Variants in AKT2 observed in about 807,000 individuals in gnomAD.
The protein encoded by AKT2 is AKT serine/threonine kinase 2, also known as RAC-beta serine/threonine-protein kinase.
In AKT2, 16 loss-of-function variants were observed where a neutral mutation model predicts 58.6. The observed-to-expected ratio is 0.27, with a 90% CI of 0.18 to 0.41. The LOEUF (loss-of-function observed/expected upper bound fraction) is 0.41. Among genes scored for constraint, AKT2 ranks in the 10% least tolerant of loss-of-function variants. AKT2 has a pLI of 1.00. For synonymous variants in AKT2, 253 were observed against 254.0 expected (o/e 1.00, Z 0.04); for missense variants, 438 against 661.0 (o/e 0.66, Z 3.70).
intron 4 of AKT2, among the ~76,000 whole-genome samples, chr19:40,254,792 T>A (rs578137611): frequency 1.3e-5 from 2 of 151,856 alleles, no homozygotes; most frequent in African/African-American, 4.8e-5. Flanking sequence ...GCCAAGATCA[T>A]GCCACTGCAT....
chr19:40,283,844 G>A (rs2145444401), intron 1 of AKT2, among the ~76,000 whole-genome samples: 1 of 152,308 alleles, frequency 6.6e-6, no homozygotes, highest in Middle Eastern at 3.4e-3. Context: ...AGGAACAGCT[G>A]GGAAAACAGC....
chr19:40,279,430 C>A (rs1568576176), intron 1 of AKT2: 1 of 152,410 alleles, frequency 6.6e-6, no homozygotes, highest in Non-Finnish European at 1.5e-5. Context: ...AACCACCCCA[C>A]CGTGCGGCCC....
At position 40,237,736 on chromosome 19, in the gene AKT2, TG is replaced by T; in HGVS notation, c.831+232del. 8.8e-6 allele frequency: 5 copies of T among 565,988 alleles called. No individual in the cohort carries two copies. The Middle Eastern group carries it at 2.5e-3, about 286-fold the overall frequency. 35.1% of individuals were successfully genotyped at this position (565,988 alleles called of 1,614,324 possible). On this transcript the variant is annotated intron_variant, in intron 9 of 13. Coordinates refer to ENST00000392038, the MANE Select transcript of AKT2 (RefSeq NM_001626.6). The surrounding 1 kb of genome is among the most constrained non-coding windows in gnomAD (Gnocchi z 4.5). ...TGGGAGGCTTGGGAAGGTCCCTACTTGGGGCAACTTGCCACAGAGCCACCAC... is the reference window on the plus strand; with the variant it reads ...TGGGAGGCTTGGGAAGGTCCCTACTTGGGCAACTTGCCACAGAGCCACCAC...
chr19:40,281,809 G>A (rs538963774), intron 1 of AKT2, among the ~76,000 whole-genome samples: 59 of 152,334 alleles, frequency 3.9e-4, no homozygotes, highest in African/African-American at 1.3e-3. Context: ...ACCATGTGTC[G>A]GGCACTGTTC....
At chr19:40,254,551 G>T (rs539936958) in intron 4 of AKT2, among the ~76,000 whole-genome samples, 96 of 151,936 alleles carry the variant, frequency 6.3e-4, no homozygotes, top group African/African-American at 2.3e-3. Context: ...AAGGGGGTCA[G>T]GTGTGGTGGC....
Position 40,242,163 on chromosome 19 carries a change from CTG to C in AKT2, c.442-96_442-95del. Reference sequence around the variant, plus strand: ...AAAGAAAGAGGAAAACCAAAAGACACTGTTGCCAAACGGCTTAGGCTGGAGCA... The same window carrying C: ...AAAGAAAGAGGAAAACCAAAAGACACTTGCCAAACGGCTTAGGCTGGAGCA... On this transcript the variant is annotated intron_variant, in intron 5 of 13. Coordinates refer to ENST00000392038, the MANE Select transcript of AKT2 (RefSeq NM_001626.6). This position sits in a 1 kb window ranked among gnomAD's most constrained non-coding sequence, Gnocchi z 4.3. 1 of 1,564,090 alleles carries C rather than the reference CTG, an allele frequency of 6.4e-7. No individual in the cohort carries two copies. Among genetic ancestry groups the C allele is most frequent in the Non-Finnish European group, 8.7e-7 (1 of 1,145,338 alleles).
At chr19:40,259,607 G>A (rs1487279683) in intron 2 of AKT2, among the ~76,000 whole-genome samples, 1 of 152,156 alleles carries the variant, frequency 6.6e-6, no homozygotes, top group African/African-American at 2.4e-5. Flanking sequence ...AAAAACCTTT[G>A]TGCATGAAAG....
intron 1 of AKT2, 150 bp from the exon 2 acceptor site, chr19:40,265,501 G>A (rs1374479223): frequency 3.8e-6 from 4 of 1,043,300 alleles, no homozygotes; most frequent in Non-Finnish European, 2.7e-6. Context: ...CGCTCTCAAG[G>A]ACCCATTCTG....
At chr19:40,263,498 C>A (rs1976111776) in intron 2 of AKT2, among the ~76,000 whole-genome samples, 5 of 152,210 alleles carry the variant, frequency 3.3e-5, no homozygotes, top group Admixed American at 3.3e-4. Flanking sequence ...ACATGGCTTG[C>A]TCACAGTTGC....
chr19:40,230,394 G>C lies in AKT2; in HGVS notation c.*3478C>G, dbSNP rs1369685956. 2 of 221,940 alleles carry C rather than the reference G, an allele frequency of 9.0e-6. No individual in the cohort carries two copies. The highest frequency in any genetic ancestry group is 4.5e-5 in the African/African-American group (2 of 44,674). The allele number at this position is 221,940 out of a possible 1,614,324, so 13.7% of individuals were successfully genotyped here. A position where few individuals can be genotyped will look rare whatever the true frequency, so the allele number is the denominator to read the frequency against. On this transcript the variant is annotated 3_prime_UTR_variant, in exon 14 of 14. Coordinates refer to ENST00000392038, the MANE Select transcript of AKT2 (RefSeq NM_001626.6). ...CAAGTCAATTCCTGTTAACGGGGCA[G>C]CTGAAGCGGTTGAGGGGTCTACCCC... is the stretch of plus-strand genomic sequence containing the variant.
Position 40,242,263 on chromosome 19 carries a change from T to C in AKT2, c.442-194A>G. 1.1e-6 allele frequency: 1 copy of C among 915,140 alleles called. No individual in the cohort carries two copies. Among genetic ancestry groups the C allele is most frequent in the Non-Finnish European group, 1.7e-6 (1 of 595,790 alleles). 56.7% of individuals were successfully genotyped at this position (915,140 alleles called of 1,614,324 possible). On this transcript the variant is annotated intron_variant, in intron 5 of 13. Coordinates refer to ENST00000392038, the MANE Select transcript of AKT2 (RefSeq NM_001626.6). The surrounding 1 kb of genome is among the most constrained non-coding windows in gnomAD (Gnocchi z 4.3). Reference sequence around the variant, plus strand: ...GACCAGGCTCTGCAGGCACAGGGCCTTGGGAGGGCTGGGCTCTGACGTGGG... The same window carrying C: ...GACCAGGCTCTGCAGGCACAGGGCCCTGGGAGGGCTGGGCTCTGACGTGGG...
chr19:40,231,480 ACT>A lies in AKT2; in HGVS notation c.*2390_*2391del, dbSNP rs546962324. ...ACCAAACGAGTCCTAGCTGTAGCTA[ACT>A]CTGATTTCTGTAAATTGGATCTGAC... On this transcript the variant is annotated 3_prime_UTR_variant, in exon 14 of 14. Coordinates refer to ENST00000392038, the MANE Select transcript of AKT2 (RefSeq NM_001626.6). 6.4e-4 allele frequency: 149 copies of A among 233,330 alleles called. 1 individual carries two copies. The highest frequency in any genetic ancestry group is 7.9e-4 in the Non-Finnish European group (93 of 118,064). The allele number at this position is 233,330 out of a possible 1,614,324, so 14.5% of individuals were successfully genotyped here.
chr19:40,249,833 T>C (rs918272413), intron 4 of AKT2, among the ~76,000 whole-genome samples: 3 of 152,152 alleles, frequency 2.0e-5, no homozygotes, highest in African/African-American at 7.2e-5. Context: ...TCCCACTTGG[T>C]GGACAGGTGC....
At chr19:40,258,253 AAAAAAAAAAAC>A (rs1439965386) in intron 2 of AKT2, among the ~76,000 whole-genome samples, 124 of 151,370 alleles carry the variant, frequency 8.2e-4, no homozygotes, top group African/African-American at 2.7e-3. Flanking sequence ...TCGAAAAAAA[AAAAAAAAAAAC>A]AAAAAAAAAA....
chr19:40,247,293 A>G (rs2145236043), intron 4 of AKT2, among the ~76,000 whole-genome samples: 1 of 152,324 alleles, frequency 6.6e-6, no homozygotes, highest in South Asian at 2.1e-4. Context: ...GACTGTAAAA[A>G]TAACAGCACT....
chr19:40,247,660 C>T (rs771109708), intron 4 of AKT2, among the ~76,000 whole-genome samples: 2 of 152,158 alleles, frequency 1.3e-5, no homozygotes, highest in African/African-American at 2.4e-5. Flanking sequence ...AGAGAGGGGC[C>T]CCCACCCCTG....
At position 40,239,864 on chromosome 19, in the gene AKT2, C is replaced by G. The variant is rs563211543; in HGVS notation, c.639+181G>C. 7 of 752,366 alleles carry G rather than the reference C, an allele frequency of 9.3e-6. No homozygotes were observed. The East Asian group carries it at 1.6e-4, about 17-fold the overall frequency. The allele number at this position is 752,366 out of a possible 1,614,324, so 46.6% of individuals were successfully genotyped here. A position where few individuals can be genotyped will look rare whatever the true frequency, so the allele number is the denominator to read the frequency against. ...AAGAAGCTGTCACCCTCCCACTCCC[C>G]GAGCCTGCTCACCCCCACCACATGT... On this transcript the variant is annotated intron_variant, in intron 7 of 13. Coordinates refer to ENST00000392038, the MANE Select transcript of AKT2 (RefSeq NM_001626.6).
Position 40,235,461 on chromosome 19 carries a change from C to T in AKT2, c.1176-111G>A, listed in dbSNP as rs756119306. On this transcript the variant is annotated intron_variant, in intron 11 of 13. Transcript: ENST00000392038. This position sits in a 1 kb window ranked among gnomAD's most constrained non-coding sequence, Gnocchi z 6.3. The stretch of plus-strand genomic sequence containing the variant: ...GCCCTTAATGATTCTGTCTTGACCA[C>T]AAACCACTTCACAGAGGAGGAAACC... The T allele has an allele frequency of 2.1e-6, 2 of 967,390 alleles. No homozygotes were observed. The highest frequency in any genetic ancestry group is 3.2e-6 in the Non-Finnish European group (2 of 620,356). 59.9% of individuals were successfully genotyped at this position (967,390 alleles called of 1,614,324 possible). A position where few individuals can be genotyped will look rare whatever the true frequency, so the allele number is the denominator to read the frequency against.
rs146513571 is a variant in AKT2 at position 40,268,095 on chromosome 19, G to A, written c.-84-2744C>T. 3.3e-5 allele frequency among the ~76,000 whole-genome samples: 5 copies of A among 151,366 alleles called. No homozygotes were observed. The East Asian group carries it at 5.9e-4, about 18-fold the overall frequency. On this transcript the variant is annotated intron_variant, in intron 1 of 13. Transcript: ENST00000392038. ...TGGGCTATGGCTGGGACTGAGAGAA[G>A]CCCGTCCCCTACACGGACCTACACC...
Sources: allele counts gnomAD v4.1 joint callset (sites outside exome capture counted in the v4.1 genomes callset), GRCh38; gene constraint gnomAD v4.1.1; non-coding constraint Gnocchi (gnomAD v3.1); transcripts MANE v1.5; gene names NCBI Gene and HGNC (gene_info 2026-07-23, HGNC 2026-07-21).